The following SOX6 variants were observed in gnomAD, a reference collection of about 807,000 sequenced individuals.
The protein encoded by SOX6 is SRY-box transcription factor 6, also known as transcription factor SOX-6.
In SOX6, 11 loss-of-function variants were observed where a neutral mutation model predicts 97.8. The ratio of observed to expected loss-of-function variants is 0.11; its 90% CI spans 0.07 to 0.19. SOX6 has a LOEUF of 0.19. SOX6 is among the 10% of genes least tolerant of loss of function. The pLI is 1.00. For missense variants in SOX6, 810 were observed against 1,039.5 expected (o/e 0.78, Z 3.04); for synonymous variants, 360 against 371.4 (o/e 0.97, Z 0.35).
intron 3 of SOX6, among the ~76,000 whole-genome samples, chr11:16,254,419 T>C (rs1164705181): frequency 6.6e-6 from 1 of 152,112 alleles, no homozygotes; most frequent in East Asian, 1.9e-4. Context: ...TACATAAGAA[T>C]ATCATTTTTC....
intron 10 of SOX6, among the ~76,000 whole-genome samples, chr11:16,050,248 A>AT (rs775081048): frequency 9.8e-5 from 15 of 152,330 alleles, no homozygotes; most frequent in Non-Finnish European, 1.5e-4. Flanking sequence ...AACCTAGGGC[A>AT]TTTACAAAGA....
At chr11:16,640,615 A>C (rs1420498170) in intron 3 of SOX6, among the ~76,000 whole-genome samples, 2 of 152,122 alleles carry the variant, frequency 1.3e-5, no homozygotes, top group Non-Finnish European at 2.9e-5. Flanking sequence ...TCAGAGATTC[A>C]ACTTCTTCCT....
In SOX6 at chr11:15,968,050, G is replaced by T. The variant is rs540020274; in HGVS notation, c.*4759C>A. The T allele has an allele frequency of 2.1e-4, 32 of 152,284 alleles. No individual in the cohort carries two copies. Among genetic ancestry groups the T allele is most frequent in the African/African-American group, 7.0e-4 (29 of 41,566 alleles). The allele number at this position is 152,284 out of a possible 1,614,324, so 9.4% of individuals were successfully genotyped here. On this transcript the variant is annotated 3_prime_UTR_variant, in exon 16 of 16. Transcript: ENST00000683767. The stretch of plus-strand genomic sequence containing the variant: ...TATTTTCAATGATATTAGTACAGGG[G>T]CACGCTCAATAGGATATGGCATCAG...
In SOX6 at chr11:16,649,982, C is replaced by T. The variant is rs1382175699; in HGVS notation, n.430-37722G>A. Among the ~76,000 whole-genome samples, 4 of 152,110 alleles carry T rather than the reference C, an allele frequency of 2.6e-5. No individual in the cohort carries two copies. In the East Asian group the frequency reaches 7.7e-4, roughly 29 times the overall value. Reference sequence around the variant, plus strand: ...GAAAACCAAAAGTGAGCAAGAGTAGCTACTTTTATACCAGACAAAATAGGC... The same window carrying T: ...GAAAACCAAAAGTGAGCAAGAGTAGTTACTTTTATACCAGACAAAATAGGC... On this transcript the variant is annotated intron_variant and non_coding_transcript_variant, in intron 3 of 5. Transcript: ENST00000524520.
At chr11:16,348,696 G>A (rs1342358285) in intron 1 of SOX6, among the ~76,000 whole-genome samples, 6 of 152,008 alleles carry the variant, frequency 3.9e-5, no homozygotes, top group Non-Finnish European at 5.9e-5. Context: ...GTATGTCAGC[G>A]CATTTTCCAT....
intron 3 of SOX6, among the ~76,000 whole-genome samples, chr11:16,696,028 T>C (rs1848051185): frequency 6.6e-6 from 1 of 152,092 alleles, no homozygotes; most frequent in South Asian, 2.1e-4. Context: ...AATAAATGAA[T>C]AAACAAACAA....
intron 2 of SOX6, among the ~76,000 whole-genome samples, chr11:16,716,256 A>G (rs961842110): frequency 6.6e-6 from 1 of 152,090 alleles, no homozygotes; most frequent in Non-Finnish European, 1.5e-5. Context: ...AATAAAAAGC[A>G]TTAGTAATCA....
chr11:16,604,920 G>GCTTT (rs1848316148), intron 4 of SOX6, among the ~76,000 whole-genome samples: 1 of 152,152 alleles, frequency 6.6e-6, no homozygotes, highest in Admixed American at 6.6e-5. Flanking sequence ...GAGCGCCGGG[G>GCTTT]AAGCAGCCCG....
chr11:16,045,653 C>T (rs986273049), intron 12 of SOX6, among the ~76,000 whole-genome samples: 6 of 152,142 alleles, frequency 3.9e-5, no homozygotes, highest in Non-Finnish European at 7.4e-5. Context: ...GCCACACTGG[C>T]CTCCTTGGTG....
intron 2 of SOX6, among the ~76,000 whole-genome samples, chr11:16,716,137 G>A (rs1848218009): frequency 6.6e-6 from 1 of 152,216 alleles, no homozygotes; most frequent in Non-Finnish European, 1.5e-5. Flanking sequence ...TTGGGAGGCT[G>A]AGGCCCAAGA....
chr11:16,028,179 G>A, intron 12 of SOX6, among the ~76,000 whole-genome samples: 1 of 152,130 alleles, frequency 6.6e-6, no homozygotes, highest in East Asian at 1.9e-4. Flanking sequence ...TATTTTATTG[G>A]GAACTTATAT....
chr11:16,386,356 A>C (rs7932314), intron 1 of SOX6, among the ~76,000 whole-genome samples: 15 of 147,570 alleles, frequency 1.0e-4, no homozygotes, highest in African/African-American at 3.8e-4. Context: ...GTGGGGGGTG[A>C]AGTAACTGAG....
intron 4 of SOX6, among the ~76,000 whole-genome samples, chr11:16,213,633 C>G (rs955109413): frequency 2.6e-5 from 4 of 152,258 alleles, no homozygotes; most frequent in African/African-American, 9.6e-5. Context: ...ACCAAGCACA[C>G]AGTATACATG....
chr11:16,244,940 G>T (rs1000390187), intron 3 of SOX6, among the ~76,000 whole-genome samples: 1 of 151,672 alleles, frequency 6.6e-6, no homozygotes, highest in Non-Finnish European at 1.5e-5. Flanking sequence ...GCTACGCTAG[G>T]TCCTTTGCAT....
intron 4 of SOX6, among the ~76,000 whole-genome samples, chr11:16,209,163 T>C (rs1852151202): frequency 6.6e-6 from 1 of 152,216 alleles, no homozygotes; most frequent in South Asian, 2.1e-4. Flanking sequence ...TAAAAGTATG[T>C]TGTTTTGGCA....
At chr11:16,518,220 T>C (rs1026505801) in intron 4 of SOX6, among the ~76,000 whole-genome samples, 3 of 152,168 alleles carry the variant, frequency 2.0e-5, no homozygotes, top group African/African-American at 4.8e-5. Flanking sequence ...AATAAGATTG[T>C]TCACTGCTTC....
intron 4 of SOX6, among the ~76,000 whole-genome samples, chr11:16,559,836 G>A (rs1847788299): frequency 6.6e-6 from 1 of 152,074 alleles, no homozygotes; most frequent in Non-Finnish European, 1.5e-5. Flanking sequence ...CAGGGCCTAA[G>A]GAATGCGGCA....
intron 3 of SOX6, among the ~76,000 whole-genome samples, chr11:16,680,216 C>T (rs1176223875): frequency 1.3e-5 from 2 of 151,880 alleles, no homozygotes; most frequent in Non-Finnish European, 2.9e-5. Context: ...AGAGAAAAGT[C>T]GGGTTACCCA....
At chr11:15,986,889 T>C (rs1026931311) in intron 14 of SOX6, among the ~76,000 whole-genome samples, 2 of 152,176 alleles carry the variant, frequency 1.3e-5, no homozygotes, top group Non-Finnish European at 2.9e-5. Flanking sequence ...GTTGAAATCA[T>C]TCCATATATA....
Sources: gnomAD v4.1 joint callset for allele counts (sites outside exome capture counted in the v4.1 genomes callset) on GRCh38, gnomAD v4.1.1 for gene constraint, MANE v1.5 for transcripts, NCBI Gene and HGNC (gene_info 2026-07-23, HGNC 2026-07-21) for gene names.